The following THSD7B variants were observed in gnomAD, a reference collection of about 807,000 sequenced individuals.
THSD7B encodes thrombospondin type-1 domain-containing protein 7B.
A neutral mutation model predicts 213.6 loss-of-function variants in THSD7B; 138 were observed. The observed-to-expected ratio is 0.65, with a 90% CI of 0.56 to 0.74. THSD7B has a LOEUF of 0.74. Among genes scored for constraint, THSD7B ranks in the 30% least tolerant of loss-of-function variants. The pLI, the probability that THSD7B is intolerant of heterozygous loss-of-function variation, is 0.00. For synonymous variants in THSD7B, 742 were observed against 687.0 expected, an observed-to-expected ratio of 1.08 and a Z score of -1.25; for missense variants, 1,931 against 1,991.5, an observed-to-expected ratio of 0.97 and a Z score of 0.58.
intron 15 of THSD7B, among the ~76,000 whole-genome samples, chr2:137,482,659 G>C (rs187513371): frequency 6.6e-6 from 1 of 152,020 alleles, no homozygotes; most frequent in African/African-American, 2.4e-5. Context: ...AGCTTGAAAG[G>C]CTCAATAGCC....
At chr2:136,818,671 A>G (rs1682521832) in intron 1 of THSD7B, among the ~76,000 whole-genome samples, 1 of 152,218 alleles carries the variant, frequency 6.6e-6, no homozygotes, top group African/African-American at 2.4e-5. Flanking sequence ...TTTAGCTTAA[A>G]ACAGAATTTA....
chr2:137,674,830 G>A lies in THSD7B; in HGVS notation c.4740-1694G>A, dbSNP rs544167152. On this transcript the variant is annotated intron_variant, in intron 27 of 27. Transcript: ENST00000409968. ...CGCTGCATGCCAGGTGCTAGGGTGG[G>A]GGGCACTGAGAGAATCTGCAGTTCC... 1.8e-4 allele frequency among the ~76,000 whole-genome samples: 27 copies of A among 152,156 alleles called. No homozygotes were observed. In the South Asian group the frequency reaches 4.8e-3, roughly 27 times the overall value.
intron 5 of THSD7B, among the ~76,000 whole-genome samples, chr2:137,119,198 A>G (rs913368232): frequency 5.3e-5 from 8 of 152,354 alleles, no homozygotes; most frequent in African/African-American, 1.7e-4. Context: ...ATGTTGTACC[A>G]GTCTTCTAGT....
intron 15 of THSD7B, among the ~76,000 whole-genome samples, chr2:137,458,476 A>G (rs983721690): frequency 2.0e-5 from 3 of 152,268 alleles, no homozygotes; most frequent in East Asian, 3.9e-4. Flanking sequence ...AAAAAAATGC[A>G]TCAGGATCTG....
rs1172106533 is a variant in THSD7B, at chr2:137,665,893, C to A, written c.4652-1881C>A. 4.6e-5 allele frequency among the ~76,000 whole-genome samples: 7 copies of A among 151,992 alleles called. No homozygotes were observed. In the East Asian group the frequency reaches 1.4e-3, roughly 29 times the overall value. On this transcript the variant is annotated intron_variant, in intron 26 of 27. Transcript: ENST00000409968. ...GTTTAGTGAAAGAAAAAGTACAAAT[C>A]AAAGTGAATGATATGCACCATTTGT...
intron 2 of THSD7B, among the ~76,000 whole-genome samples, chr2:136,988,022 C>T (rs1427443824): frequency 6.6e-6 from 1 of 152,142 alleles, no homozygotes; most frequent in Non-Finnish European, 1.5e-5. Context: ...ATATAATATG[C>T]ATTCCATAAA....
At chr2:137,295,017 TACTC>T (rs1162038270) in intron 12 of THSD7B, among the ~76,000 whole-genome samples, 1 of 152,178 alleles carries the variant, frequency 6.6e-6, no homozygotes, top group African/African-American at 2.4e-5. Context: ...CAGTATTTAA[TACTC>T]ACATACTACT....
intron 20 of THSD7B, among the ~76,000 whole-genome samples, chr2:137,628,883 AC>A (rs1682687137): frequency 6.6e-6 from 1 of 151,844 alleles, no homozygotes; most frequent in Admixed American, 6.6e-5. Flanking sequence ...TTTCAATCAC[AC>A]CCTTGATCAA....
At chr2:137,032,298 C>G (rs1424081073) in intron 2 of THSD7B, among the ~76,000 whole-genome samples, 3 of 152,164 alleles carry the variant, frequency 2.0e-5, no homozygotes, top group Non-Finnish European at 4.4e-5. Context: ...TACATAGATG[C>G]TTCACTTTGA....
chr2:136,887,192 C>T (rs908595029), intron 2 of THSD7B, among the ~76,000 whole-genome samples: 1 of 152,000 alleles, frequency 6.6e-6, no homozygotes, highest in Non-Finnish European at 1.5e-5. Flanking sequence ...AATTTCAGAA[C>T]ATTTTCATCA....
intron 2 of THSD7B, among the ~76,000 whole-genome samples, chr2:136,967,253 G>A (rs1375208078): frequency 1.3e-5 from 2 of 152,172 alleles, no homozygotes; most frequent in African/African-American, 4.8e-5. Flanking sequence ...CTGTTTCAAA[G>A]TTGTTTTCCT....
chr2:137,016,778 G>A (rs1686350508), intron 2 of THSD7B, among the ~76,000 whole-genome samples: 2 of 152,152 alleles, frequency 1.3e-5, no homozygotes, highest in African/African-American at 4.8e-5. Flanking sequence ...AACTTCTTAA[G>A]TAGGAAACCA....
intron 8 of THSD7B, among the ~76,000 whole-genome samples, chr2:137,232,456 C>T (rs942768298): frequency 6.6e-6 from 1 of 152,038 alleles, no homozygotes; most frequent in Admixed American, 6.5e-5. Context: ...AAAATAATGC[C>T]TCTCTTAGGA....
chr2:137,624,253 G>T (rs375995305), intron 20 of THSD7B, among the ~76,000 whole-genome samples: 5 of 152,360 alleles, frequency 3.3e-5, no homozygotes, highest in East Asian at 3.9e-4. Flanking sequence ...AATAACTGCT[G>T]CTGGGAAAAC....
chr2:137,138,468 C>A, intron 5 of THSD7B, among the ~76,000 whole-genome samples: 1 of 152,046 alleles, frequency 6.6e-6, no homozygotes. Context: ...TTTAAATTTG[C>A]ATTTCTTTGG....
chr2:137,289,388 A>G (rs990364968), intron 12 of THSD7B, among the ~76,000 whole-genome samples: 1 of 152,076 alleles, frequency 6.6e-6, no homozygotes, highest in Non-Finnish European at 1.5e-5. Flanking sequence ...CTTTTAAGTA[A>G]CAGAGTTTTC....
intron 27 of THSD7B, among the ~76,000 whole-genome samples, chr2:137,670,920 C>CAAAAA (rs530737012): frequency 9.7e-6 from 1 of 102,808 alleles, no homozygotes; most frequent in African/African-American, 3.8e-5. Flanking sequence ...GACTCCGCCT[C>CAAAAA]AAAAAAAAAA....
intron 12 of THSD7B, among the ~76,000 whole-genome samples, chr2:137,326,282 A>C (rs553033522): frequency 1.9e-4 from 29 of 152,312 alleles, no homozygotes; most frequent in Non-Finnish European, 3.4e-4. Context: ...ATGCATAAAA[A>C]TAAACAACAT....
At chr2:137,227,922 A>G (rs1681547493) in intron 7 of THSD7B, among the ~76,000 whole-genome samples, 1 of 152,146 alleles carries the variant, frequency 6.6e-6, no homozygotes, top group Non-Finnish European at 1.5e-5. Flanking sequence ...AGAGCTCACC[A>G]TGTGTTAGAC....
Sources: gnomAD v4.1 joint callset for allele counts (sites outside exome capture counted in the v4.1 genomes callset) on GRCh38, gnomAD v4.1.1 for gene constraint, MANE v1.5 for transcripts, NCBI Gene and HGNC (gene_info 2026-07-23, HGNC 2026-07-21) for gene names.